The following MARCHF1 variants were observed in gnomAD, a reference collection of about 807,000 sequenced individuals.
The protein encoded by MARCHF1 is membrane associated ring-CH-type finger 1, also known as E3 ubiquitin-protein ligase MARCHF1.
A neutral mutation model predicts 54.2 loss-of-function variants in MARCHF1; 40 were observed. The ratio of observed to expected loss-of-function variants is 0.74; its 90% CI spans 0.57 to 0.96. The LOEUF is 0.96. Ranked by LOEUF, MARCHF1 falls within the 40% of genes least tolerant of loss-of-function variation. The pLI, the probability that MARCHF1 is intolerant of heterozygous loss-of-function variation, is 0.00. For missense variants in MARCHF1, 586 were observed against 656.5 expected, an observed-to-expected ratio of 0.89 and a Z score of 1.17; for synonymous variants, 236 against 236.3, an observed-to-expected ratio of 1.00 and a Z score of 0.01.
intron 1 of MARCHF1, among the ~76,000 whole-genome samples, chr4:164,215,055 G>T (rs958325475): frequency 1.3e-5 from 2 of 152,192 alleles, no homozygotes; most frequent in Admixed American, 1.3e-4. Context: ...TTAGCCGTCC[G>T]TAGTCGGCTT....
intron 1 of MARCHF1, among the ~76,000 whole-genome samples, chr4:164,223,244 G>A (rs1732162247): frequency 6.6e-6 from 1 of 151,918 alleles, no homozygotes; most frequent in Non-Finnish European, 1.5e-5. Context: ...TTGTAGAGTT[G>A]AACCAATAAT....
chr4:163,983,599 GA>G (rs1331794444), intron 3 of MARCHF1, among the ~76,000 whole-genome samples: 1 of 152,044 alleles, frequency 6.6e-6, no homozygotes, highest in Admixed American at 6.6e-5. Context: ...TTTGGTGTCT[GA>G]AAAAAAGATT....
rs1750748700 is a variant in MARCHF1, at chr4:163,894,692, T to TATATATGCATGTGATGCAC, written c.-38-40524_-38-40523insGTGCATCACATGCATATAT. ...GATGCATATATATGCATGTGATGCA[T>TATATATGCATGTGATGCAC]ATATATATGCATGTGATGCATATAT... On this transcript the variant is annotated intron_variant, in intron 3 of 9. Transcript: ENST00000514618. 4.1e-5 allele frequency among the ~76,000 whole-genome samples: 2 copies of TATATATGCATGTGATGCAC among 48,670 alleles called. 1 individual carries two copies. The highest frequency in any genetic ancestry group is 1.7e-4 in the African/African-American group (2 of 11,934). 31.9% of individuals were successfully genotyped at this position (48,670 alleles called of 152,430 possible). A position where few individuals can be genotyped will look rare whatever the true frequency, so the allele number is the denominator to read the frequency against.
chr4:164,285,488 G>A (rs1427905523), intron 1 of MARCHF1, among the ~76,000 whole-genome samples: 2 of 151,796 alleles, frequency 1.3e-5, no homozygotes, highest in Admixed American at 1.3e-4. Context: ...TGTCGCCCAG[G>A]CTGGAGTGCA....
At chr4:164,027,603 G>T (rs1197215014) in intron 2 of MARCHF1, among the ~76,000 whole-genome samples, 1 of 151,928 alleles carries the variant, frequency 6.6e-6, no homozygotes, top group African/African-American at 2.4e-5. Context: ...ATTAACTCAA[G>T]ATGGATTAAA....
chr4:164,105,743 A>T (rs1233975829), intron 2 of MARCHF1, among the ~76,000 whole-genome samples: 1 of 89,404 alleles, frequency 1.1e-5, no homozygotes, highest in Non-Finnish European at 2.4e-5. Flanking sequence ...AGCAATGGCA[A>T]CAGAAGCCAA....
rs553337474 is a variant in MARCHF1 at position 163,935,356 on chromosome 4, TTC to T, written c.-39+53143_-39+53144del. Among the ~76,000 whole-genome samples, 299 of 152,346 alleles carry T rather than the reference TTC, an allele frequency of 2.0e-3. 1 individual carries two copies. The highest frequency in any genetic ancestry group is 3.8e-3 in the Non-Finnish European group (260 of 68,026). On this transcript the variant is annotated intron_variant, in intron 3 of 9. Transcript: ENST00000514618. ...TAACATCTTCCAATAAAAGGATGTT[TTC>T]ACCTACATTGAAAATCTGTTTTTAA...
rs1754616888 is a variant in MARCHF1 at position 164,061,599 on chromosome 4, T to C, written c.-248+49989A>G. ...TAATGCTAAATGACGAGTTAATGGG[T>C]GCAGCACACCAGCATGGCACATGTA... is the stretch of plus-strand genomic sequence containing the variant. On this transcript the variant is annotated intron_variant, in intron 2 of 9. Transcript: ENST00000514618. Among the ~76,000 whole-genome samples, 3 of 149,970 alleles carry C rather than the reference T, an allele frequency of 2.0e-5. No individual in the cohort carries two copies. In the South Asian group the frequency reaches 6.4e-4, roughly 32 times the overall value.
chr4:164,285,535 C>T (rs1734122503), intron 1 of MARCHF1, among the ~76,000 whole-genome samples: 1 of 151,898 alleles, frequency 6.6e-6, no homozygotes, highest in South Asian at 2.1e-4. Context: ...CTCCGCCTCC[C>T]GAGTTCACGC....
chr4:164,130,835 A>G (rs1197773946), intron 1 of MARCHF1, among the ~76,000 whole-genome samples: 2 of 152,152 alleles, frequency 1.3e-5, no homozygotes, highest in Admixed American at 1.3e-4. Flanking sequence ...TGATGTCGTT[A>G]TATGTTACAA....
intron 2 of MARCHF1, among the ~76,000 whole-genome samples, chr4:164,041,043 A>T (rs978517991): frequency 3.9e-5 from 6 of 152,128 alleles, no homozygotes; most frequent in African/African-American, 1.4e-4. Context: ...TAAACCTTAT[A>T]TGTAATTATA....
In MARCHF1 at chr4:164,276,947, T is replaced by TATAGAG. The variant is rs1392528920; in HGVS notation, c.-323+106922_-323+106923insCTCTAT. Among the ~76,000 whole-genome samples the TATAGAG allele has an allele frequency of 1.3e-4, 16 of 118,800 alleles. No individual in the cohort carries two copies. The East Asian group carries it at 3.0e-3, about 22-fold the overall frequency. The allele number at this position is 118,800 out of a possible 152,430, so 77.9% of individuals were successfully genotyped here. On this transcript the variant is annotated intron_variant, in intron 1 of 9. Coordinates refer to ENST00000514618, the MANE Select transcript of MARCHF1 (RefSeq NM_001394959.1). Reference sequence around the variant, plus strand: ...ATGTCTCATATTCTATATATATATATAGAGAGAGAGAGAGAGAGAGACAGA... The same window carrying TATAGAG: ...ATGTCTCATATTCTATATATATATATATAGAGAGAGAGAGAGAGAGAGAGAGACAGA...
intron 1 of MARCHF1, among the ~76,000 whole-genome samples, chr4:164,367,896 C>T (rs1730921385): frequency 6.6e-6 from 1 of 151,790 alleles, no homozygotes; most frequent in Non-Finnish European, 1.5e-5. Flanking sequence ...TCTCCATCAT[C>T]TCTTAAGTCC....
chr4:163,856,574 G>T (rs1187808443), intron 3 of MARCHF1, among the ~76,000 whole-genome samples: 1 of 152,180 alleles, frequency 6.6e-6, no homozygotes, highest in African/African-American at 2.4e-5. Context: ...GCCTGTGATA[G>T]TTGCATTTCT....
intron 1 of MARCHF1, among the ~76,000 whole-genome samples, chr4:164,167,812 T>C (rs1201923151): frequency 6.6e-6 from 1 of 151,906 alleles, no homozygotes; most frequent in African/African-American, 2.4e-5. Flanking sequence ...ACTGAAATTA[T>C]TAAACTCCTA....
At chr4:164,209,029 T>C (rs1731692415) in intron 1 of MARCHF1, among the ~76,000 whole-genome samples, 1 of 149,880 alleles carries the variant, frequency 6.7e-6, no homozygotes, top group South Asian at 2.1e-4. Flanking sequence ...ATTTATTATA[T>C]ATATTATATA....
chr4:163,995,570 T>C (rs1753060249), intron 2 of MARCHF1, among the ~76,000 whole-genome samples: 1 of 152,062 alleles, frequency 6.6e-6, no homozygotes, highest in African/African-American at 2.4e-5. Context: ...AACTCATTAG[T>C]ATGCAAAAAA....
chr4:163,737,214 A>ATT lies in MARCHF1; in HGVS notation c.112-36353_112-36352dup, dbSNP rs200485998. Among the ~76,000 whole-genome samples the ATT allele has an allele frequency of 2.6e-3, 114 of 43,568 alleles. 7 individuals carry two copies. The highest frequency in any genetic ancestry group is 3.1e-3 in the Non-Finnish European group (59 of 18,834). 28.6% of individuals were successfully genotyped at this position (43,568 alleles called of 152,430 possible). A position where few individuals can be genotyped will look rare whatever the true frequency, so the allele number is the denominator to read the frequency against. ...TTAGTTTATTTATTTATTTTTTTTA[A>ATT]TTTTTTTTTTTTTTATTATACTCTA... On this transcript the variant is annotated intron_variant, in intron 4 of 9. Coordinates refer to ENST00000514618, the MANE Select transcript of MARCHF1 (RefSeq NM_001394959.1).
chr4:163,738,087 G>A lies in MARCHF1; in HGVS notation c.112-37224C>T, dbSNP rs181917446. On this transcript the variant is annotated intron_variant, in intron 4 of 9. Transcript: ENST00000514618. ...TAGGGTTATATGCTCTTCTGAAATCGGCAGGCTGCCTTGTAGATCTGGTCC... is the reference window on the plus strand; with the variant it reads ...TAGGGTTATATGCTCTTCTGAAATCAGCAGGCTGCCTTGTAGATCTGGTCC... Among the ~76,000 whole-genome samples, 79 of 152,246 alleles carry A rather than the reference G, an allele frequency of 5.2e-4. 1 individual carries two copies. Among genetic ancestry groups the A allele is most frequent in the East Asian group, 7.7e-4 (4 of 5,182 alleles).
Sources: gnomAD v4.1 joint callset for allele counts (sites outside exome capture counted in the v4.1 genomes callset) on GRCh38, gnomAD v4.1.1 for gene constraint, MANE v1.5 for transcripts, NCBI Gene and HGNC (gene_info 2026-07-23, HGNC 2026-07-21) for gene names.